Variants in COMMD5 observed in about 807,000 individuals in gnomAD.
COMMD5 encodes COMM domain containing 5.
Under a neutral mutation model 6.9 loss-of-function variants are expected in COMMD5, and 10 were observed. The observed-to-expected ratio is 1.44, with a 90% CI of 0.89 to 2.45. The LOEUF (loss-of-function observed/expected upper bound fraction) is 2.45. COMMD5 is among the 30% of genes most tolerant of loss of function. COMMD5 has a pLI of 0.00. For missense variants in COMMD5, 234 were observed against 287.8 expected (o/e 0.81, Z 1.35); for synonymous variants, 127 against 125.3 (o/e 1.01, Z -0.09).
chr8:144,838,054 G>A (rs761764081), downstream of COMMD5: 9 of 693,480 alleles, frequency 1.3e-5, no homozygotes, highest in South Asian at 7.4e-5. Flanking sequence ...AAGCAGGGCC[G>A]TGCCCCCCTG....
At chr8:144,844,492 T>G (rs2975304) in intron 1 of COMMD5, among the ~76,000 whole-genome samples, 7 of 151,248 alleles carry the variant, frequency 4.6e-5, no homozygotes, top group Non-Finnish European at 1.0e-4. Flanking sequence ...GGGTGGATCA[T>G]GAGGTCAGGA....
At chr8:144,847,124 A>C (rs1172305155), downstream of COMMD5, 1 of 152,244 alleles carries the variant, frequency 6.6e-6, no homozygotes, top group Non-Finnish European at 1.5e-5. Flanking sequence ...TTGAGATCTG[A>C]GTATCACATG....
At chr8:144,842,771 G>C in intron 1 of COMMD5, 1 of 1,614,202 alleles carries the variant, frequency 6.2e-7, no homozygotes, top group Admixed American at 1.7e-5. Context: ...CCCTATAAAT[G>C]TAATGAATGT....
downstream of COMMD5, chr8:144,847,018 C>G (rs1830549458): frequency 6.6e-6 from 1 of 152,196 alleles, no homozygotes; most frequent in Non-Finnish European, 1.5e-5. Context: ...CCTCTTCTAG[C>G]TGCACGATGT....
intron 1 of COMMD5, chr8:144,843,507 C>G (rs544447531): frequency 1.1e-4 from 18 of 171,252 alleles, no homozygotes; most frequent in East Asian, 7.7e-4. Flanking sequence ...AGAATGGCAT[C>G]AGCCCAGGAG....
exon 2 of COMMD5, chr8:144,841,666 C>G: frequency 6.2e-7 from 1 of 1,614,144 alleles, no homozygotes; most frequent in Non-Finnish European, 8.5e-7. Context: ...TCTTGAAAGT[C>G]AGGGAGAGAG....
chr8:144,841,533 A>C, exon 2 of COMMD5: 1 of 1,614,184 alleles, frequency 6.2e-7, no homozygotes, highest in South Asian at 1.1e-5. Context: ...CCGGGCTGAA[A>C]GTGACAGGCT....
downstream of COMMD5, among the ~76,000 whole-genome samples, chr8:144,839,844 C>T (rs1475582447): frequency 6.6e-6 from 1 of 152,250 alleles, no homozygotes; most frequent in South Asian, 2.1e-4. Flanking sequence ...CACCCCCACG[C>T]TTTTGACCAC....
chr8:144,841,792 CA>C (rs1398210459), intron 1 of COMMD5: 1 of 1,613,978 alleles, frequency 6.2e-7, no homozygotes, highest in Non-Finnish European at 8.5e-7. Context: ...TCAAGAATGC[CA>C]AAAAAAGTTA....
chr8:144,850,525 C>T lies in COMMD5; in HGVS notation c.*139G>A. ...TCTTTTTCAATTAAACAGAAAACTA[C>T]ATAATTACGTTCAAACACTCACTGA... On this transcript the variant is annotated 3_prime_UTR_variant, in exon 2 of 2. Transcript: ENST00000305103. The surrounding 1 kb of genome is among the most constrained non-coding windows in gnomAD (Gnocchi z 4.0). 2 of 900,276 alleles carry T rather than the reference C, an allele frequency of 2.2e-6. No homozygotes were observed. The highest frequency in any genetic ancestry group is 3.5e-4 in the Middle Eastern group (1 of 2,838). 55.8% of individuals were successfully genotyped at this position (900,276 alleles called of 1,614,324 possible).
chr8:144,842,302 A>C, intron 1 of COMMD5: 3 of 1,614,034 alleles, frequency 1.9e-6, no homozygotes, highest in Non-Finnish European at 2.5e-6. Context: ...AGACAGTCCA[A>C]GCCTTGTTGC....
At chr8:144,841,829 C>A (rs77760474) in intron 1 of COMMD5, 1 of 1,614,160 alleles carries the variant, frequency 6.2e-7, no homozygotes, top group African/African-American at 1.3e-5. Context: ...GGGAAACATA[C>A]AAATAACTGC....
rs1465541754 is a variant in COMMD5, at chr8:144,851,457, G to C, written c.-57-62C>G. The C allele has an allele frequency of 2.8e-6, 3 of 1,071,406 alleles. No individual in the cohort carries two copies. The African/African-American group carries it at 4.7e-5, about 17-fold the overall frequency. The allele number at this position is 1,071,406 out of a possible 1,614,324, so 66.4% of individuals were successfully genotyped here. ...CACATCCTTTGGGCCAGCGAGTGAG[G>C]GTTGATATGGTCCCCATCATCAGCA... On this transcript the variant is annotated intron_variant, in intron 1 of 1. Coordinates refer to ENST00000305103, the MANE Select transcript of COMMD5 (RefSeq NM_014066.4).
At chr8:144,848,155 G>T (rs757513478), downstream of COMMD5, among the ~76,000 whole-genome samples, 15 of 152,088 alleles carry the variant, frequency 9.9e-5, no homozygotes, top group Non-Finnish European at 1.6e-4. Context: ...AGACCAGCCT[G>T]GGCAACGTGG....
Position 144,850,755 on chromosome 8 carries a change from G to C in COMMD5, c.584C>G (p.Ala195Gly). The stretch of plus-strand genomic sequence containing the variant: ...GCTGTACCGCAGCTCCTGGAACTTG[G>C]CTGTGGGGACCTCAAAGCGGTATGC... The part of the protein sequence containing the change: ...GSAYRFEVPT[A>G]KFQELRYSVA... Residue 195 changes from alanine to glycine, a missense_variant, in exon 2 of 2, where the codon GCC becomes GGC. By Grantham distance (60) the Ala-to-Gly change is moderately conservative (BLOSUM62 0). Transcript: ENST00000305103. This position sits in a 1 kb window ranked among gnomAD's most constrained non-coding sequence, Gnocchi z 4.0. 2 of 1,614,202 alleles carry C rather than the reference G, an allele frequency of 1.2e-6. No homozygotes were observed. The highest frequency in any genetic ancestry group is 1.7e-6 in the Non-Finnish European group (2 of 1,180,048).
Position 144,850,595 on chromosome 8 carries a change from A to C in COMMD5, c.*69T>G. ...GGGCAGGGCTGTCGTGGGAAGAGTC[A>C]GCTGCACTTTGGCACCATCTCAGGT... On this transcript the variant is annotated 3_prime_UTR_variant, in exon 2 of 2. Transcript: ENST00000305103. The surrounding 1 kb of genome is among the most constrained non-coding windows in gnomAD (Gnocchi z 4.0). The C allele has an allele frequency of 6.5e-7, 1 of 1,529,568 alleles. No individual in the cohort carries two copies. The highest frequency in any genetic ancestry group is 8.9e-7 in the Non-Finnish European group (1 of 1,126,498). 94.7% of individuals were successfully genotyped at this position (1,529,568 alleles called of 1,614,324 possible).
At chr8:144,843,033 A>G (rs759448540) in intron 1 of COMMD5, 110 of 1,614,086 alleles carry the variant, frequency 6.8e-5, no homozygotes, top group Admixed American at 1.3e-4. Flanking sequence ...GTGAGAAGAT[A>G]TTTAGGTGGC....
At chr8:144,839,827 A>G (rs931261172), downstream of COMMD5, among the ~76,000 whole-genome samples, 5 of 152,238 alleles carry the variant, frequency 3.3e-5, no homozygotes, top group African/African-American at 9.6e-5. Flanking sequence ...GCCAGGTCCC[A>G]GCTGTGCACC....
chr8:144,841,841 A>G (rs1374551208), intron 1 of COMMD5: 2 of 1,614,200 alleles, frequency 1.2e-6, no homozygotes, highest in Non-Finnish European at 1.7e-6. Flanking sequence ...AATAACTGCC[A>G]TGGAGAGAAG....
Sources: allele counts gnomAD v4.1 joint callset (sites outside exome capture counted in the v4.1 genomes callset), GRCh38; gene constraint gnomAD v4.1.1; non-coding constraint Gnocchi (gnomAD v3.1); transcripts MANE v1.5; gene names NCBI Gene and HGNC (gene_info 2026-07-23, HGNC 2026-07-21).